C10orf90: variants seen among roughly 807,000 people sequenced by gnomAD.
The protein encoded by C10orf90 is chromosome 10 open reading frame 90.
A neutral mutation model predicts 62.5 loss-of-function variants in C10orf90; 56 were observed. The ratio of observed to expected loss-of-function variants is 0.90; its 90% CI spans 0.72 to 1.12. The LOEUF (loss-of-function observed/expected upper bound fraction) is 1.12, where lower values mean the gene tolerates loss of function less well. Ranked by LOEUF, C10orf90 falls within the 50% of genes most tolerant of loss-of-function variation. The probability of loss-of-function intolerance (pLI) is 0.00; values close to 1 mark genes in which losing one functional copy is unlikely to be tolerated. For synonymous variants in C10orf90, 386 were observed against 340.4 expected, an observed-to-expected ratio of 1.13 and a Z score of -1.47; for missense variants, 970 against 880.4, an observed-to-expected ratio of 1.10 and a Z score of -1.29.
chr10:126,612,761 A>C (rs932476005), intron 2 of C10orf90, among the ~76,000 whole-genome samples: 1 of 152,190 alleles, frequency 6.6e-6, no homozygotes, highest in Admixed American at 6.5e-5. Context: ...TAAATATCTA[A>C]AATGGTCTAT....
chr10:126,601,616 CA>C (rs1166865896), intron 2 of C10orf90, among the ~76,000 whole-genome samples: 1 of 152,204 alleles, frequency 6.6e-6, no homozygotes, highest in Non-Finnish European at 1.5e-5. Context: ...TTGATTGATA[CA>C]GCTTTTTAAA....
Position 126,464,862 on chromosome 10 carries a change from T to G in C10orf90, c.1659A>C (p.Pro553=). 6.2e-7 allele frequency: 1 copy of G among 1,614,190 alleles called. No individual in the cohort carries two copies. Among genetic ancestry groups the G allele is most frequent in the Non-Finnish European group, 8.5e-7 (1 of 1,180,022 alleles). The stretch of plus-strand genomic sequence containing the variant: ...GGTCTCTAGACAGACAGTCATCGCT[T>G]GGAGAGCTATCCCCAATGGGAAGGA... The part of the protein sequence containing the change: ...RHFLPIGDSS[P]SDDCLSRDLS... The change falls in exon 5 of 10, where the codon CCA becomes CCC. Residue 553 remains proline, a synonymous_variant. Transcript: ENST00000488181.
chr10:126,655,620 A>G (rs1361625882), intron 1 of C10orf90, among the ~76,000 whole-genome samples: 1 of 152,160 alleles, frequency 6.6e-6, no homozygotes, highest in Non-Finnish European at 1.5e-5. Flanking sequence ...TCTGTGTGGA[A>G]ATGTCCTTCC....
At chr10:126,447,772 T>C (rs1858878384) in intron 7 of C10orf90, among the ~76,000 whole-genome samples, 1 of 152,156 alleles carries the variant, frequency 6.6e-6, no homozygotes, top group Non-Finnish European at 1.5e-5. Context: ...GAATAGATCA[T>C]ATGTTAGGCC....
chr10:126,604,672 A>T (rs1054450031), intron 2 of C10orf90, among the ~76,000 whole-genome samples: 1 of 152,206 alleles, frequency 6.6e-6, no homozygotes, highest in Non-Finnish European at 1.5e-5. Flanking sequence ...ATCTCTCCAC[A>T]TCCAAAGGGT....
At chr10:126,502,627 C>T in intron 4 of C10orf90, 1 of 287,336 alleles carries the variant, frequency 3.5e-6, no homozygotes, top group South Asian at 3.2e-5. Context: ...ACTATAAATC[C>T]AAATTATTAT....
intron 2 of C10orf90, among the ~76,000 whole-genome samples, chr10:126,572,272 G>A (rs1007529960): frequency 2.3e-4 from 35 of 152,234 alleles, no homozygotes; most frequent in African/African-American, 8.2e-4. Context: ...CTACACTCCT[G>A]TTACAGGAAA....
intron 3 of C10orf90, among the ~76,000 whole-genome samples, chr10:126,511,690 G>C (rs552746761): frequency 6.6e-5 from 10 of 151,528 alleles, no homozygotes; most frequent in Non-Finnish European, 8.8e-5. Flanking sequence ...GCTTATGAGG[G>C]GTATTATAAG....
intron 4 of C10orf90, among the ~76,000 whole-genome samples, chr10:126,476,162 A>G (rs1403648349): frequency 6.6e-6 from 1 of 152,220 alleles, no homozygotes; most frequent in Admixed American, 6.5e-5. Context: ...CCAAGGCTGC[A>G]GGATTCCCGT....
chr10:126,664,396 T>A (rs1846582915), intron 1 of C10orf90, among the ~76,000 whole-genome samples: 1 of 152,130 alleles, frequency 6.6e-6, no homozygotes, highest in Non-Finnish European at 1.5e-5. Context: ...CCCCAAGACT[T>A]AACCCTTTAT....
intron 7 of C10orf90, among the ~76,000 whole-genome samples, chr10:126,440,902 C>T (rs542186963): frequency 1.5e-4 from 23 of 152,238 alleles, no homozygotes; most frequent in African/African-American, 5.5e-4. Flanking sequence ...AGCCTTCAGC[C>T]CTAGACCTTC....
intron 2 of C10orf90, among the ~76,000 whole-genome samples, chr10:126,596,169 A>T (rs1255703165): frequency 6.6e-6 from 1 of 150,478 alleles, no homozygotes; most frequent in Non-Finnish European, 1.5e-5. Context: ...CAGGCATGGT[A>T]GCACACACCT....
intron 2 of C10orf90, among the ~76,000 whole-genome samples, chr10:126,533,766 T>C (rs1033434612): frequency 6.6e-6 from 1 of 152,214 alleles, no homozygotes; most frequent in Non-Finnish European, 1.5e-5. Flanking sequence ...CACATCACGC[T>C]CACTTTAGGG....
intron 7 of C10orf90, among the ~76,000 whole-genome samples, chr10:126,445,176 A>G (rs531543443): frequency 2.6e-5 from 4 of 152,198 alleles, no homozygotes; most frequent in South Asian, 4.1e-4. Flanking sequence ...TTGGGACTTA[A>G]TTAAACTAAA....
intron 2 of C10orf90, among the ~76,000 whole-genome samples, chr10:126,591,019 CAAT>C (rs1444864022): frequency 6.6e-6 from 1 of 152,044 alleles, no homozygotes; most frequent in African/African-American, 2.4e-5. Context: ...CTGAATAGAC[CAAT>C]AATGATTTCT....
chr10:126,635,306 A>G (rs1477149317), intron 2 of C10orf90, among the ~76,000 whole-genome samples: 1 of 152,198 alleles, frequency 6.6e-6, no homozygotes. Flanking sequence ...CCCATCTTCC[A>G]GTTAAAACCC....
At chr10:126,477,076 A>ATTTTGTTTTTTTT (rs1860918410) in intron 4 of C10orf90, among the ~76,000 whole-genome samples, 1 of 56,434 alleles carries the variant, frequency 1.8e-5, no homozygotes, top group Non-Finnish European at 3.2e-5. Flanking sequence ...CGCCTGGCTA[A>ATTTTGTTTTTTTT]TTTTTTTTTT....
At chr10:126,535,531 A>T (rs1476305130) in intron 2 of C10orf90, among the ~76,000 whole-genome samples, 1 of 152,028 alleles carries the variant, frequency 6.6e-6, no homozygotes, top group African/African-American at 2.4e-5. Context: ...AAAAAAAAAA[A>T]AATTGTCTTC....
intron 7 of C10orf90, among the ~76,000 whole-genome samples, chr10:126,457,199 G>A (rs553006179): frequency 2.3e-4 from 35 of 152,132 alleles, no homozygotes; most frequent in Non-Finnish European, 4.6e-4. Flanking sequence ...ATGTTGCCCA[G>A]GCTGGTCTTG....
Sources: gnomAD v4.1 joint callset for allele counts (sites outside exome capture counted in the v4.1 genomes callset) on GRCh38, gnomAD v4.1.1 for gene constraint, MANE v1.5 for transcripts, NCBI Gene and HGNC (gene_info 2026-07-23, HGNC 2026-07-21) for gene names.